The following FNDC3A variants were observed in gnomAD, a reference collection of about 807,000 sequenced individuals.
FNDC3A encodes the protein fibronectin type III domain containing 3A.
Under a neutral mutation model 148.9 loss-of-function variants are expected in FNDC3A, and 32 were observed. That is an observed-to-expected ratio of 0.21 (90% confidence interval 0.16 to 0.29). The LOEUF is 0.29. FNDC3A is among the 10% of genes least tolerant of loss of function. FNDC3A has a pLI of 1.00. For synonymous variants in FNDC3A, 472 were observed against 473.6 expected (o/e 1.00, Z 0.04); for missense variants, 1,191 against 1,452.8 (o/e 0.82, Z 2.93).
intron 4 of FNDC3A, among the ~76,000 whole-genome samples, chr13:49,120,009 G>T (rs1232851911): frequency 6.6e-6 from 1 of 152,086 alleles, no homozygotes; most frequent in Non-Finnish European, 1.5e-5. Context: ...GATACTCCTT[G>T]AGAAGAGCAA....
intron 24 of FNDC3A, 23 bp from the exon 25 acceptor site, chr13:49,203,131 ATAT>A: frequency 6.7e-7 from 1 of 1,500,656 alleles, no homozygotes; most frequent in Non-Finnish European, 9.1e-7. Context: ...AGTGGAACAG[ATAT>A]TATTTATATT....
chr13:49,122,755 C>T (rs1194747883), intron 4 of FNDC3A, among the ~76,000 whole-genome samples: 1 of 152,110 alleles, frequency 6.6e-6, no homozygotes, highest in Admixed American at 6.6e-5. Flanking sequence ...AAAATTGCTA[C>T]AAAGAGAACA....
At chr13:49,048,700 T>TTCTAGGAGCATTTGGATGAG (rs1208732008) in intron 2 of FNDC3A, among the ~76,000 whole-genome samples, 14 of 152,258 alleles carry the variant, frequency 9.2e-5, no homozygotes, top group African/African-American at 3.4e-4. Flanking sequence ...TCATCTACAG[T>TTCTAGGAGCATTTGGATGAG]TCTAGGAGCT....
At position 49,166,128 on chromosome 13, in the gene FNDC3A, A is replaced by G. The variant is rs975013144; in HGVS notation, c.978-1116A>G. ...TCCTCAGGTGGAGGCGGCAGTGGCTATGCTGCAGACCTGCTATTAGGGAGG... is the reference window on the plus strand; with the variant it reads ...TCCTCAGGTGGAGGCGGCAGTGGCTGTGCTGCAGACCTGCTATTAGGGAGG... On this transcript the variant is annotated intron_variant, in intron 8 of 25. Coordinates refer to ENST00000492622, the MANE Select transcript of FNDC3A (RefSeq NM_001079673.2). 2.6e-5 allele frequency among the ~76,000 whole-genome samples: 4 copies of G among 152,190 alleles called. 1 individual carries two copies. Among genetic ancestry groups the G allele is most frequent in the Admixed American group, 2.0e-4 (3 of 15,290 alleles).
At chr13:49,146,083 G>T in intron 8 of FNDC3A, 148 bp downstream of exon 8, 1 of 587,188 alleles carries the variant, frequency 1.7e-6, no homozygotes, top group Non-Finnish European at 2.9e-6. Flanking sequence ...CAATGTAAAT[G>T]GTCCAAATGT....
chr13:49,040,432 A>C (rs942445895), intron 2 of FNDC3A, among the ~76,000 whole-genome samples: 1 of 152,238 alleles, frequency 6.6e-6, no homozygotes, highest in Non-Finnish European at 1.5e-5. Context: ...ACTCCTAGGT[A>C]TCACACCAGT....
chr13:49,104,495 GCCCA>G (rs1299409871), intron 3 of FNDC3A, among the ~76,000 whole-genome samples: 6 of 66 alleles, frequency 0.091, no homozygotes, highest in African/African-American at 0.21. Flanking sequence ...CTGCACTCCA[GCCCA>G]GGTGGCCCAG....
intron 5 of FNDC3A, among the ~76,000 whole-genome samples, chr13:49,131,934 C>CT (rs2137926614): frequency 6.6e-6 from 1 of 152,216 alleles, no homozygotes; most frequent in Admixed American, 6.5e-5. Context: ...TGACTGCCTT[C>CT]TCGATAACTT....
At position 49,207,203 on chromosome 13, in the gene FNDC3A, T is replaced by C. The variant is rs760530433; in HGVS notation, c.3405T>C (p.Gly1135=). 1 of 1,614,078 alleles carries C rather than the reference T, an allele frequency of 6.2e-7. No individual in the cohort carries two copies. The highest frequency in any genetic ancestry group is 1.1e-5 in the South Asian group (1 of 91,068). ...QDSLGHQDLV[G]PYSTTVLFIS... ...CTCTGGGACACCAGGACCTCGTAGGTCCCTACAGCACCACAGTGCTCTTCA... is the reference window on the plus strand; with the variant it reads ...CTCTGGGACACCAGGACCTCGTAGGCCCCTACAGCACCACAGTGCTCTTCA... The change falls in exon 26 of 26, where the codon GGT becomes GGC. Residue 1135 remains glycine (G), a synonymous_variant. Coordinates refer to ENST00000492622, the MANE Select transcript of FNDC3A (RefSeq NM_001079673.2).
At chr13:49,204,682 T>TCC (rs1886567480) in intron 25 of FNDC3A, among the ~76,000 whole-genome samples, 1 of 152,204 alleles carries the variant, frequency 6.6e-6, no homozygotes, top group Non-Finnish European at 1.5e-5. Context: ...ATTTGAGTAG[T>TCC]ATATGAATAA....
At chr13:49,106,387 G>A (rs914815675) in intron 3 of FNDC3A, among the ~76,000 whole-genome samples, 1 of 151,812 alleles carries the variant, frequency 6.6e-6, no homozygotes, top group African/African-American at 2.4e-5. Flanking sequence ...ATCACAGCTC[G>A]CTGTTATCTC....
intron 2 of FNDC3A, among the ~76,000 whole-genome samples, chr13:49,032,701 A>G (rs958117548): frequency 1.3e-5 from 2 of 152,002 alleles, no homozygotes; most frequent in South Asian, 2.1e-4. Context: ...GCGCCACTGC[A>G]CTCCAGCCTG....
chr13:49,118,741 A>G (rs982115246), intron 4 of FNDC3A, among the ~76,000 whole-genome samples: 1 of 152,214 alleles, frequency 6.6e-6, no homozygotes, highest in Non-Finnish European at 1.5e-5. Flanking sequence ...GCCACCAGGA[A>G]GCTGGAACTG....
In FNDC3A at chr13:49,060,153, A is replaced by G. The variant is rs866951290; in HGVS notation, c.100-15136A>G. Among the ~76,000 whole-genome samples the G allele has an allele frequency of 2.6e-5, 4 of 152,336 alleles. No homozygotes were observed. In the South Asian group the frequency reaches 8.3e-4, roughly 32 times the overall value. Reference sequence around the variant, plus strand: ...CATATGACCTAATTATTCCACAAGTACTATGTGGAATATCCAAAGGAACGT... The same window carrying G: ...CATATGACCTAATTATTCCACAAGTGCTATGTGGAATATCCAAAGGAACGT... On this transcript the variant is annotated intron_variant, in intron 2 of 25. Coordinates refer to ENST00000492622, the MANE Select transcript of FNDC3A (RefSeq NM_001079673.2).
chr13:49,086,235 GTGGTTTATTTATAGAAGA>G (rs1043710271), intron 3 of FNDC3A, among the ~76,000 whole-genome samples: 6 of 152,156 alleles, frequency 3.9e-5, no homozygotes, highest in Non-Finnish European at 8.8e-5. Context: ...TCACTTGATG[GTGGTTTATTTATAGAAGA>G]TGGTTTATTT....
chr13:49,148,771 T>C (rs1180342974), intron 8 of FNDC3A, among the ~76,000 whole-genome samples: 8 of 152,204 alleles, frequency 5.3e-5, no homozygotes, highest in African/African-American at 1.9e-4. Context: ...AGGGATTCCA[T>C]TGAATATAAA....
chr13:49,085,157 G>C (rs137968228), intron 3 of FNDC3A, among the ~76,000 whole-genome samples: 156 of 152,156 alleles, frequency 1.0e-3, no homozygotes, highest in Middle Eastern at 3.4e-3. Context: ...CCTCATTCCT[G>C]CAATTAGTCA....
At chr13:49,034,316 T>C (rs1874341342) in intron 2 of FNDC3A, among the ~76,000 whole-genome samples, 1 of 152,060 alleles carries the variant, frequency 6.6e-6, no homozygotes, top group Non-Finnish European at 1.5e-5. Flanking sequence ...ACACTAATTA[T>C]CATTCACCTT....
At chr13:49,149,163 CT>C (rs766364277) in intron 8 of FNDC3A, among the ~76,000 whole-genome samples, 533 of 134,018 alleles carry the variant, frequency 4.0e-3, no homozygotes, top group African/African-American at 4.0e-3. Context: ...GACAATTTGA[CT>C]TTTTTTTTTT....
Sources: gnomAD v4.1 joint callset for allele counts (sites outside exome capture counted in the v4.1 genomes callset) on GRCh38, gnomAD v4.1.1 for gene constraint, MANE v1.5 for transcripts, NCBI Gene and HGNC (gene_info 2026-07-23, HGNC 2026-07-21) for gene names.